Variants in BTG4 observed in about 807,000 individuals in gnomAD.
BTG4 encodes the protein protein BTG4.
Under a neutral mutation model 19.3 loss-of-function variants are expected in BTG4, and 10 were observed. The ratio of observed to expected loss-of-function variants is 0.52; its 90% CI spans 0.32 to 0.88. The LOEUF (loss-of-function observed/expected upper bound fraction) is 0.88. BTG4 is among the 40% of genes least tolerant of loss of function. The pLI, the probability that BTG4 is intolerant of heterozygous loss-of-function variation, is 0.04. For synonymous variants in BTG4, 91 were observed against 95.7 expected (o/e 0.95, Z 0.29); for missense variants, 238 against 281.9 (o/e 0.84, Z 1.11).
At chr11:111,457,972 G>A in the BTG4 span, 1 of 152,698 alleles carries the variant, frequency 6.5e-6, no homozygotes, top group Non-Finnish European at 1.5e-5. Flanking sequence ...GAGAGGGCCA[G>A]ACATTGCCCC....
the BTG4 span, among the ~76,000 whole-genome samples, chr11:111,395,239 G>A: frequency 2.0e-5 from 3 of 152,228 alleles, no homozygotes; most frequent in African/African-American, 2.4e-5. Flanking sequence ...AGGAGAGACC[G>A]GCCTGAGGTC....
Position 111,495,492 on chromosome 11 carries a change from AC to A in BTG4, c.511-179del, listed in dbSNP as rs1865668270. Among the ~76,000 whole-genome samples, 3 of 152,216 alleles carry A rather than the reference AC, an allele frequency of 2.0e-5. 1 individual carries two copies. In the South Asian group the frequency reaches 6.2e-4, roughly 32 times the overall value. On this transcript the variant is annotated intron_variant, in intron 4 of 4. Coordinates refer to ENST00000692032, the MANE Select transcript of BTG4 (RefSeq NM_001367975.1). ...TTGGCGGGAACATAAATCACTTTAT[AC>A]TGTACCTTTTTAAAAAGTTAATTAA...
At chr11:111,510,382 T>C (rs1285094397) in intron 1 of BTG4, among the ~76,000 whole-genome samples, 2 of 152,174 alleles carry the variant, frequency 1.3e-5, no homozygotes, top group Admixed American at 6.5e-5. Flanking sequence ...TCCTTTTCCA[T>C]CTCCCTAATC....
chr11:111,422,229 G>A, the BTG4 span, among the ~76,000 whole-genome samples: 2 of 152,136 alleles, frequency 1.3e-5, no homozygotes, highest in Non-Finnish European at 2.9e-5. Flanking sequence ...CCAGCTCTGA[G>A]CCAACCGTGC....
chr11:111,456,677 C>A, the BTG4 span: 1 of 391,960 alleles, frequency 2.6e-6, no homozygotes, highest in South Asian at 1.8e-5. The surrounding 1 kb of genome is among the most constrained non-coding windows in gnomAD (Gnocchi z 4.2). Flanking sequence ...CTGCCCGAGG[C>A]TGGACACCTG....
chr11:111,411,806 G>T, the BTG4 span, among the ~76,000 whole-genome samples: 1 of 152,170 alleles, frequency 6.6e-6, no homozygotes, highest in African/African-American at 2.4e-5. Flanking sequence ...CCAAAATTTT[G>T]TCTGATTTTT....
the BTG4 span, among the ~76,000 whole-genome samples, chr11:111,410,416 G>A: frequency 1.3e-5 from 2 of 152,178 alleles, no homozygotes; most frequent in African/African-American, 4.8e-5. Context: ...GCCTAGGAAT[G>A]AGGCTTTGGC....
chr11:111,498,221 CAT>C (rs1865857095), intron 2 of BTG4, 86 bp from the exon 3 acceptor site: 11 of 1,451,486 alleles, frequency 7.6e-6, no homozygotes, highest in Non-Finnish European at 1.0e-5. Flanking sequence ...TTCCAATACA[CAT>C]AGCTCCCACC....
the BTG4 span, chr11:111,453,318 A>G: frequency 2.8e-6 from 1 of 363,190 alleles, no homozygotes; most frequent in Non-Finnish European, 5.6e-6. Context: ...ACCACGGTGA[A>G]GTGCGACCTG....
At chr11:111,453,527 T>C in the BTG4 span, 1 of 456,542 alleles carries the variant, frequency 2.2e-6, no homozygotes, top group Non-Finnish European at 4.4e-6. Context: ...ATAATGTCAA[T>C]AAGGAGAGGC....
At chr11:111,421,367 T>C in the BTG4 span, among the ~76,000 whole-genome samples, 2 of 152,192 alleles carry the variant, frequency 1.3e-5, no homozygotes, top group African/African-American at 4.8e-5. Context: ...GAGTTCATCA[T>C]GATCTGAAAA....
chr11:111,399,622 G>C, the BTG4 span, among the ~76,000 whole-genome samples: 1 of 152,198 alleles, frequency 6.6e-6, no homozygotes, highest in Non-Finnish European at 1.5e-5. Flanking sequence ...GAGAAGGTAA[G>C]ACCTACTTGC....
chr11:111,506,514 G>A (rs897764536), intron 1 of BTG4, among the ~76,000 whole-genome samples: 2 of 151,930 alleles, frequency 1.3e-5, no homozygotes, highest in Admixed American at 1.3e-4. Flanking sequence ...TTACCTACTG[G>A]ATACAATGCC....
chr11:111,495,411 G>A (rs1462495280), intron 4 of BTG4, 97 bp from the exon 5 acceptor site: 23 of 1,048,634 alleles, frequency 2.2e-5, no homozygotes, highest in Non-Finnish European at 3.1e-5. Context: ...AGCATAGGGA[G>A]CACAAATGAA....
chr11:111,471,308 T>G (rs1483539101), intron 5 of BTG4, among the ~76,000 whole-genome samples: 1 of 152,200 alleles, frequency 6.6e-6, no homozygotes, highest in Non-Finnish European at 1.5e-5. Flanking sequence ...TCTCCATCAT[T>G]GAATCTCTAT....
At chr11:111,466,124 G>T (rs7107576), downstream of BTG4, among the ~76,000 whole-genome samples, 1,274 of 152,140 alleles carry the variant, frequency 8.4e-3, 23 homozygotes, top group African/African-American at 0.029. Context: ...ATAGTAGAAG[G>T]TTATTAATTA....
chr11:111,419,214 T>A, the BTG4 span, among the ~76,000 whole-genome samples: 1 of 152,232 alleles, frequency 6.6e-6, no homozygotes, highest in Non-Finnish European at 1.5e-5. Flanking sequence ...AGAAGGAGGC[T>A]GCACAATTCA....
the BTG4 span, among the ~76,000 whole-genome samples, chr11:111,437,415 TG>T: frequency 1.3e-5 from 2 of 152,268 alleles, no homozygotes; most frequent in South Asian, 4.2e-4. Flanking sequence ...GGAACTGGGT[TG>T]GGGGATGAGG....
the BTG4 span, among the ~76,000 whole-genome samples, chr11:111,389,985 T>C: frequency 6.6e-6 from 1 of 152,222 alleles, no homozygotes; most frequent in African/African-American, 2.4e-5. Flanking sequence ...ACTTTACACA[T>C]ATTAGTTCAT....
Sources: allele counts gnomAD v4.1 joint callset (sites outside exome capture counted in the v4.1 genomes callset), GRCh38; gene constraint gnomAD v4.1.1; non-coding constraint Gnocchi (gnomAD v3.1); transcripts MANE v1.5; gene names NCBI Gene and HGNC (gene_info 2026-07-23, HGNC 2026-07-21).